Variants in CNGB3 observed in about 807,000 individuals in gnomAD.
CNGB3 encodes the protein cyclic nucleotide gated channel subunit beta 3, also known as cyclic nucleotide-gated channel beta-3.
In CNGB3, 86 loss-of-function variants were observed where a neutral mutation model predicts 92.8. The observed-to-expected ratio is 0.93, with a 90% CI of 0.78 to 1.11. The LOEUF (loss-of-function observed/expected upper bound fraction) is 1.11. Ranked by LOEUF, CNGB3 falls within the 50% of genes least tolerant of loss-of-function variation. The pLI, the probability that CNGB3 is intolerant of heterozygous loss-of-function variation, is 0.00. For synonymous variants in CNGB3, 333 were observed against 332.7 expected (o/e 1.00, Z -0.01); for missense variants, 1,026 against 956.8 (o/e 1.07, Z -0.95).
chr8:86,689,939 C>T (rs901339499), intron 3 of CNGB3, among the ~76,000 whole-genome samples: 3 of 152,192 alleles, frequency 2.0e-5, no homozygotes, highest in South Asian at 4.1e-4. Context: ...ATATGTGCCA[C>T]ATTTTCTTAA....
intron 6 of CNGB3, chr8:86,657,781 C>T (rs1585997298): frequency 4.1e-6 from 2 of 492,706 alleles, no homozygotes; most frequent in Admixed American, 4.4e-5. Context: ...TTCATCTCCT[C>T]CTTGTCCTGG....
intron 6 of CNGB3, among the ~76,000 whole-genome samples, chr8:86,664,310 C>T (rs1823700026): frequency 6.6e-6 from 1 of 152,138 alleles, no homozygotes; most frequent in African/African-American, 2.4e-5. Context: ...AATTTAAGAC[C>T]TTCTGAAGAT....
intron 3 of CNGB3, among the ~76,000 whole-genome samples, chr8:86,722,969 T>TATAATAA (rs1021300728): frequency 8.5e-5 from 13 of 152,112 alleles, no homozygotes; most frequent in African/African-American, 2.7e-4. Context: ...GTCAATTCCT[T>TATAATAA]ATAATAAATT....
chr8:86,683,937 A>G lies in CNGB3; in HGVS notation c.339-12839T>C, dbSNP rs965517228. 2.0e-5 allele frequency among the ~76,000 whole-genome samples: 3 copies of G among 152,200 alleles called. No homozygotes were observed. In the South Asian group the frequency reaches 6.2e-4, roughly 31 times the overall value. On this transcript the variant is annotated intron_variant, in intron 3 of 17. Coordinates refer to ENST00000320005, the MANE Select transcript of CNGB3 (RefSeq NM_019098.5). Reference sequence around the variant, plus strand: ...ATCTATGGCTGGCAAAGAGTTCTTAAGTTGGACACTAAAAATACAGTCCAT... The same window carrying G: ...ATCTATGGCTGGCAAAGAGTTCTTAGGTTGGACACTAAAAATACAGTCCAT...
Position 86,686,709 on chromosome 8 carries a change from T to A in CNGB3, c.339-15611A>T, listed in dbSNP as rs139011957. 6.6e-5 allele frequency among the ~76,000 whole-genome samples: 10 copies of A among 152,170 alleles called. No homozygotes were observed. The East Asian group carries it at 1.9e-3, about 29-fold the overall frequency. ...CTACCGTGCTATCTGTGGTACTAGG[T>A]TCTTAAACTTTTGACTCAGGTGATA... On this transcript the variant is annotated intron_variant, in intron 3 of 17. Coordinates refer to ENST00000320005, the MANE Select transcript of CNGB3 (RefSeq NM_019098.5).
At chr8:86,663,276 T>A (rs1245616021) in intron 6 of CNGB3, among the ~76,000 whole-genome samples, 1 of 152,234 alleles carries the variant, frequency 6.6e-6, no homozygotes, top group Non-Finnish European at 1.5e-5. Flanking sequence ...GGGCTGTGCA[T>A]GTGAGTGTCT....
At chr8:86,740,928 T>C (rs1425538921) in intron 1 of CNGB3, among the ~76,000 whole-genome samples, 1 of 152,172 alleles carries the variant, frequency 6.6e-6, no homozygotes, top group East Asian at 1.9e-4. Context: ...CGTTATGATG[T>C]TATTCATAAA....
chr8:86,658,279 C>T (rs73271602), intron 6 of CNGB3: 5,240 of 516,486 alleles, frequency 0.01, 196 homozygotes, highest in African/African-American at 0.081. Flanking sequence ...TTTAAAAATG[C>T]CACCATGGCC....
At chr8:86,641,689 G>A (rs1466894035) in intron 10 of CNGB3, among the ~76,000 whole-genome samples, 1 of 150,834 alleles carries the variant, frequency 6.6e-6, no homozygotes, top group Non-Finnish European at 1.5e-5. Context: ...CTGTTCTTTA[G>A]TGGTTACTCA....
intron 15 of CNGB3, among the ~76,000 whole-genome samples, chr8:86,600,776 ATTTTTTTTTTTTTTTTTTTTTT>A (rs533111246): frequency 2.6e-5 from 1 of 38,400 alleles, no homozygotes; most frequent in Non-Finnish European, 4.8e-5. Context: ...CGCTCGGCTA[ATTTTTTTTTTTTTTTTTTTTTT>A]TTTTTTTTTT....
At chr8:86,726,384 A>T in intron 3 of CNGB3, 147 bp downstream of exon 3, 1 of 1,111,056 alleles carries the variant, frequency 9.0e-7, no homozygotes, top group Non-Finnish European at 1.4e-6. Flanking sequence ...CCAACCTTTT[A>T]GTTCTGACAC....
intron 8 of CNGB3, among the ~76,000 whole-genome samples, chr8:86,646,979 C>G (rs569708071): frequency 1.3e-5 from 2 of 151,194 alleles, no homozygotes; most frequent in South Asian, 2.1e-4. Flanking sequence ...TCCTGCTTTC[C>G]CTTGCCATCT....
At position 86,604,215 on chromosome 8, in the gene CNGB3, C is replaced by T. The variant is rs1412549523; in HGVS notation, c.1663-4G>A. The T allele has an allele frequency of 4.5e-6, 7 of 1,556,768 alleles. No individual in the cohort carries two copies. The highest frequency in any genetic ancestry group is 6.2e-6 in the Non-Finnish European group (7 of 1,128,120). Reference sequence around the variant, plus strand: ...ACATTTCCTTGCCAATTTCTCCCTACATTTTAAATATAAAGAGGAAATGGT... The same window carrying T: ...ACATTTCCTTGCCAATTTCTCCCTATATTTTAAATATAAAGAGGAAATGGT... On this transcript the variant is annotated splice_region_variant and splice_polypyrimidine_tract_variant and intron_variant, in intron 14 of 17. Coordinates refer to ENST00000320005, the MANE Select transcript of CNGB3 (RefSeq NM_019098.5).
intron 3 of CNGB3, among the ~76,000 whole-genome samples, chr8:86,703,527 T>C (rs900746808): frequency 2.0e-5 from 3 of 152,230 alleles, no homozygotes; most frequent in Non-Finnish European, 4.4e-5. Context: ...TGATGTCTAG[T>C]GGACCGGCAC....
intron 3 of CNGB3, among the ~76,000 whole-genome samples, chr8:86,672,827 T>A (rs191090182): frequency 6.6e-6 from 1 of 152,322 alleles, no homozygotes; most frequent in East Asian, 1.9e-4. Context: ...CTTTCAAAGG[T>A]AAACGGTCCT....
chr8:86,715,660 G>A (rs1462204816), intron 3 of CNGB3, among the ~76,000 whole-genome samples: 1 of 151,976 alleles, frequency 6.6e-6, no homozygotes, highest in African/African-American at 2.4e-5. Context: ...AATCTGAATT[G>A]CCAGAAAAAG....
At position 86,619,020 on chromosome 8, in the gene CNGB3, C is replaced by T. The variant is rs137994869; in HGVS notation, c.1578+6963G>A. The stretch of plus-strand genomic sequence containing the variant: ...TGAGTCAAAGATCCCAGTGAGGTGT[C>T]CTGTTGGGATGGGTTCTGCATAATT... On this transcript the variant is annotated intron_variant, in intron 13 of 17. Transcript: ENST00000320005. 4.0e-3 allele frequency among the ~76,000 whole-genome samples: 605 copies of T among 152,352 alleles called. 9 individuals carry two copies. Among genetic ancestry groups the T allele is most frequent in the South Asian group, 0.028 (133 of 4,828 alleles).
chr8:86,617,183 T>C (rs1822637729), intron 13 of CNGB3, among the ~76,000 whole-genome samples: 1 of 152,340 alleles, frequency 6.6e-6, no homozygotes. Context: ...AAATTCCACT[T>C]TTAATAATGG....
At chr8:86,671,757 CT>C (rs1342289053) in intron 3 of CNGB3, among the ~76,000 whole-genome samples, 6 of 152,168 alleles carry the variant, frequency 3.9e-5, no homozygotes, top group Admixed American at 3.3e-4. Flanking sequence ...AAAACAGAGA[CT>C]TCAGAGGTAC....
Sources: gnomAD v4.1 joint callset for allele counts (sites outside exome capture counted in the v4.1 genomes callset) on GRCh38, gnomAD v4.1.1 for gene constraint, MANE v1.5 for transcripts, NCBI Gene and HGNC (gene_info 2026-07-23, HGNC 2026-07-21) for gene names.